The following SIDT1 variants were observed in gnomAD, a reference collection of about 807,000 sequenced individuals.
SIDT1 encodes the protein SID1 transmembrane family, member 1.
In SIDT1, 101 loss-of-function variants were observed where a neutral mutation model predicts 107.5. The observed-to-expected ratio is 0.94, with a 90% CI of 0.80 to 1.11. The LOEUF (loss-of-function observed/expected upper bound fraction) is 1.11. Among genes scored for constraint, SIDT1 ranks in the 50% least tolerant of loss-of-function variants. SIDT1 has a pLI of 0.00. For missense variants in SIDT1, 1,076 were observed against 1,058.2 expected (o/e 1.02, Z -0.23); for synonymous variants, 395 against 398.2 (o/e 0.99, Z 0.10).
intron 3 of SIDT1, among the ~76,000 whole-genome samples, chr3:113,573,354 C>T (rs1001383233): frequency 2.6e-5 from 4 of 152,160 alleles, no homozygotes; most frequent in Non-Finnish European, 4.4e-5. Context: ...TTGAGATTCA[C>T]TGGCATTATT....
At chr3:113,538,141 C>T (rs1347310477) in intron 1 of SIDT1, among the ~76,000 whole-genome samples, 1 of 152,192 alleles carries the variant, frequency 6.6e-6, no homozygotes, top group Non-Finnish European at 1.5e-5. Context: ...GACCCAATTA[C>T]TTTCCAAAGG....
At chr3:113,615,958 G>A (rs567890918) in intron 19 of SIDT1, 142 bp from the exon 20 acceptor site, 7 of 702,656 alleles carry the variant, frequency 1.0e-5, no homozygotes, top group Middle Eastern at 2.4e-4. Flanking sequence ...TACTTATTGC[G>A]CACCTATTAG....
intron 20 of SIDT1, 42 bp from the exon 21 acceptor site, chr3:113,619,638 C>T: frequency 2.5e-6 from 4 of 1,572,998 alleles, no homozygotes; most frequent in Non-Finnish European, 3.5e-6. Flanking sequence ...GAAAAGTAGG[C>T]TGTGCAGCCT....
chr3:113,550,314 A>G (rs556561966), intron 1 of SIDT1, among the ~76,000 whole-genome samples: 129 of 152,318 alleles, frequency 8.5e-4, no homozygotes, highest in Admixed American at 9.8e-4. Context: ...TGGCAAGCAT[A>G]TTCTATTTTC....
chr3:113,620,501 TA>T (rs58107587), intron 21 of SIDT1, among the ~76,000 whole-genome samples: 49,761 of 147,088 alleles, frequency 0.34, 8,116 homozygotes, highest in Non-Finnish European at 0.36. Context: ...GGCCTGTGAT[TA>T]AAAAAAAAAA....
chr3:113,559,134 A>G (rs2107706806), intron 1 of SIDT1, among the ~76,000 whole-genome samples: 1 of 152,332 alleles, frequency 6.6e-6, no homozygotes, highest in East Asian at 1.9e-4. Context: ...TGTTGCAACC[A>G]ATGCTTGCAG....
At chr3:113,613,924 A>G (rs912227942) in intron 19 of SIDT1, among the ~76,000 whole-genome samples, 4 of 152,240 alleles carry the variant, frequency 2.6e-5, no homozygotes, top group African/African-American at 9.6e-5. Flanking sequence ...CAGGAAAAAG[A>G]TGTCACACAC....
chr3:113,559,520 C>A (rs1200425074), intron 1 of SIDT1, among the ~76,000 whole-genome samples: 1 of 151,984 alleles, frequency 6.6e-6, no homozygotes, highest in African/African-American at 2.4e-5. Flanking sequence ...GGGCTCACTG[C>A]AACCTCTGCA....
chr3:113,562,526 T>C (rs1941529685), intron 1 of SIDT1, among the ~76,000 whole-genome samples: 3 of 152,228 alleles, frequency 2.0e-5, no homozygotes, highest in African/African-American at 4.8e-5. Context: ...CAATGTAATA[T>C]TATTTAGTAA....
intron 1 of SIDT1, among the ~76,000 whole-genome samples, chr3:113,540,638 T>G (rs1938713509): frequency 6.6e-6 from 1 of 152,172 alleles, no homozygotes; most frequent in Non-Finnish European, 1.5e-5. Flanking sequence ...TGTTTGAAAA[T>G]TAAAAACAAA....
chr3:113,621,236 G>T (rs1946443591), intron 21 of SIDT1, among the ~76,000 whole-genome samples: 1 of 152,196 alleles, frequency 6.6e-6, no homozygotes, highest in African/African-American at 2.4e-5. Context: ...AAGGAAGGAT[G>T]TACAAGAGTT....
chr3:113,539,192 G>A (rs1938527279), intron 1 of SIDT1, among the ~76,000 whole-genome samples: 1 of 152,096 alleles, frequency 6.6e-6, no homozygotes, highest in Non-Finnish European at 1.5e-5. Flanking sequence ...GATGATCAAT[G>A]AGATTTTACT....
At position 113,628,143 on chromosome 3, in the gene SIDT1, T is replaced by G. The variant is rs1946973772; in HGVS notation, c.*435T>G. 1 of 169,762 alleles carries G rather than the reference T, an allele frequency of 5.9e-6. No homozygotes were observed. The highest frequency in any genetic ancestry group is 1.3e-5 in the Non-Finnish European group (1 of 78,962). The allele number at this position is 169,762 out of a possible 1,614,324, so 10.5% of individuals were successfully genotyped here. ...CTGCCCAGAAACTGTGTTGGCCCCC[T>G]TCACACCTCTGCAACACCTGCTGCT... On this transcript the variant is annotated 3_prime_UTR_variant, in exon 25 of 25. Transcript: ENST00000264852.
rs1017852060 is a variant in SIDT1 at position 113,581,452 on chromosome 3, A to G, written c.747+8A>G. The stretch of plus-strand genomic sequence containing the variant: ...GCTGCCATCACGCTACAGGTGAGGC[A>G]TTGCTTCTGTGGGCATTATTGCCAA... On this transcript the variant is annotated splice_region_variant and intron_variant, in intron 6 of 24. Transcript: ENST00000264852. 2 of 1,609,286 alleles carry G rather than the reference A, an allele frequency of 1.2e-6. No homozygotes were observed. The highest frequency in any genetic ancestry group is 8.5e-7 in the Non-Finnish European group (1 of 1,175,588).
chr3:113,561,329 C>T (rs1203425019), intron 1 of SIDT1, among the ~76,000 whole-genome samples: 1 of 152,112 alleles, frequency 6.6e-6, no homozygotes, highest in Non-Finnish European at 1.5e-5. Context: ...ATATATTTTT[C>T]GCAATTTATT....
intron 1 of SIDT1, among the ~76,000 whole-genome samples, chr3:113,560,822 A>G (rs1941363291): frequency 6.6e-6 from 1 of 152,146 alleles, no homozygotes; most frequent in African/African-American, 2.4e-5. Context: ...ACAGAAATAT[A>G]TTCCTTATAA....
In SIDT1 at chr3:113,611,006, A is replaced by T. The variant is rs1945693414; in HGVS notation, c.1721-2A>T. ...CATCTGGCTCCTCCTTTGGGTCCTC[A>T]GACACCTCCTTCATGTACATGATCG... is the stretch of plus-strand genomic sequence containing the variant. On this transcript the variant is annotated splice_acceptor_variant, in intron 17 of 24. Transcript: ENST00000264852. LOFTEE classifies it high-confidence loss of function. The T allele has an allele frequency of 6.2e-7, 1 of 1,613,134 alleles. No homozygotes were observed. The highest frequency in any genetic ancestry group is 2.2e-5 in the East Asian group (1 of 44,874).
Position 113,608,150 on chromosome 3 carries a change from T to C in SIDT1, c.1535T>C (p.Leu512Pro). The C allele has an allele frequency of 6.2e-7, 1 of 1,612,948 alleles. No individual in the cohort carries two copies. Among genetic ancestry groups the C allele is most frequent in the African/African-American group, 1.3e-5 (1 of 74,972 alleles). ...CACGTGCTTCTGGGCTTCCTCTTCC[T>C]GCTGATAGTCTTGCGCCGCGACATC... ...LGHVLLGFLF[L>P]LIVLRRDILH... Residue 512 changes from leucine (L) to proline (P), a missense_variant, in exon 16 of 25, where the codon CTG (leucine) becomes CCG (proline). By Grantham distance (98) the Leu-to-Pro change is moderately conservative. Coordinates refer to ENST00000264852, the MANE Select transcript of SIDT1 (RefSeq NM_017699.3).
At chr3:113,533,353 G>A in intron 1 of SIDT1, 110 bp downstream of exon 1, 1 of 862,862 alleles carries the variant, frequency 1.2e-6, no homozygotes, top group Non-Finnish European at 1.6e-6. Context: ...CGGGGACCAG[G>A]GGACTTTCTT....
Sources: allele counts gnomAD v4.1 joint callset (sites outside exome capture counted in the v4.1 genomes callset), GRCh38; gene constraint gnomAD v4.1.1; transcripts MANE v1.5; gene names NCBI Gene and HGNC (gene_info 2026-07-23, HGNC 2026-07-21).